Variants in MAF observed in about 807,000 individuals in gnomAD.
MAF encodes the protein transcription factor Maf.
In MAF, 10 loss-of-function variants were observed where a neutral mutation model predicts 22.0. The observed-to-expected ratio is 0.45, with a 90% CI of 0.28 to 0.77. The LOEUF (loss-of-function observed/expected upper bound fraction) is 0.77, where lower values mean the gene tolerates loss of function less well. Ranked by LOEUF, MAF falls within the 30% of genes least tolerant of loss-of-function variation. The probability of loss-of-function intolerance (pLI) is 0.12; values close to 1 mark genes in which losing one functional copy is unlikely to be tolerated. For synonymous variants in MAF, 337 were observed against 255.8 expected (o/e 1.32, Z -3.03); for missense variants, 544 against 548.4 (o/e 0.99, Z 0.08).
chr16:79,357,535 C>T, the MAF span, among the ~76,000 whole-genome samples: 1 of 152,144 alleles, frequency 6.6e-6, no homozygotes, highest in African/African-American at 2.4e-5. Flanking sequence ...ATATGGGAAC[C>T]CTGCTGGGTC....
the MAF span, among the ~76,000 whole-genome samples, chr16:79,410,260 C>A: frequency 6.6e-6 from 1 of 152,220 alleles, no homozygotes; most frequent in Admixed American, 6.5e-5. Context: ...GCTGGAATCT[C>A]TGTGAATCTG....
the MAF span, among the ~76,000 whole-genome samples, chr16:79,303,898 A>T: frequency 1.3e-5 from 2 of 152,224 alleles, no homozygotes; most frequent in Non-Finnish European, 2.9e-5. Context: ...ATGTCATGTC[A>T]AAATGCGGGG....
the MAF span, among the ~76,000 whole-genome samples, chr16:79,322,188 G>T: frequency 6.6e-6 from 1 of 152,066 alleles, no homozygotes; most frequent in Non-Finnish European, 1.5e-5. Flanking sequence ...AGCCAAGATC[G>T]CTCCACTGCA....
the MAF span, among the ~76,000 whole-genome samples, chr16:79,228,547 G>GT: frequency 6.6e-6 from 1 of 152,038 alleles, no homozygotes; most frequent in Non-Finnish European, 1.5e-5. Flanking sequence ...TTCACACATT[G>GT]ATCTTCCTGA....
the MAF span, among the ~76,000 whole-genome samples, chr16:79,488,729 C>T: frequency 6.6e-6 from 1 of 152,138 alleles, no homozygotes; most frequent in African/African-American, 2.4e-5. Flanking sequence ...CTGTGTCTTG[C>T]TATGTCAGAG....
chr16:79,314,000 A>G, the MAF span, among the ~76,000 whole-genome samples: 2 of 152,318 alleles, frequency 1.3e-5, no homozygotes, highest in Non-Finnish European at 2.9e-5. Flanking sequence ...GCGTTGGAAT[A>G]CAGCAGCTTT....
the MAF span, among the ~76,000 whole-genome samples, chr16:79,351,040 C>G: frequency 0.011 from 1,601 of 152,220 alleles, 36 homozygotes; most frequent in African/African-American, 0.037. Flanking sequence ...GGCCACTTCC[C>G]GGGGAAGCCT....
At chr16:79,228,527 G>C in the MAF span, among the ~76,000 whole-genome samples, 1 of 152,102 alleles carries the variant, frequency 6.6e-6, no homozygotes, top group East Asian at 1.9e-4. Flanking sequence ...CATTTCTGTG[G>C]CTGTGAGTCT....
the MAF span, among the ~76,000 whole-genome samples, chr16:79,392,558 G>A: frequency 6.6e-6 from 1 of 151,974 alleles, no homozygotes; most frequent in Non-Finnish European, 1.5e-5. Context: ...AACACGGGTG[G>A]AACCAGCTGT....
chr16:79,296,103 A>G, the MAF span, among the ~76,000 whole-genome samples: 1 of 152,236 alleles, frequency 6.6e-6, no homozygotes, highest in Non-Finnish European at 1.5e-5. Flanking sequence ...GCATCGTCTC[A>G]CTTGCTCTTT....
At chr16:79,246,827 T>TCCA in the MAF span, among the ~76,000 whole-genome samples, 3 of 116,882 alleles carry the variant, frequency 2.6e-5, no homozygotes, top group South Asian at 5.2e-4. Context: ...TGTCCATCTG[T>TCCA]CCATCCATCC....
chr16:79,519,855 G>T, the MAF span, among the ~76,000 whole-genome samples: 1 of 152,324 alleles, frequency 6.6e-6, no homozygotes, highest in African/African-American at 2.4e-5. Context: ...GTAGAGTCCT[G>T]GACCCTGTTG....
chr16:79,363,027 G>C, the MAF span, among the ~76,000 whole-genome samples: 1 of 152,136 alleles, frequency 6.6e-6, no homozygotes, highest in Non-Finnish European at 1.5e-5. Context: ...TTCAGCTTCA[G>C]AAACTGCCCT....
intron 1 of MAF, chr16:79,596,159 G>C: frequency 9.4e-7 from 1 of 1,063,042 alleles, no homozygotes. Context: ...CTGATCAGAA[G>C]TGTAGGGCCA....
the MAF span, among the ~76,000 whole-genome samples, chr16:79,444,261 A>T: frequency 1.3e-5 from 2 of 152,188 alleles, no homozygotes; most frequent in Admixed American, 6.5e-5. Context: ...AAATAAAAAT[A>T]TTGATTTTGC....
chr16:79,556,787 G>T, the MAF span, among the ~76,000 whole-genome samples: 1 of 152,102 alleles, frequency 6.6e-6, no homozygotes, highest in Non-Finnish European at 1.5e-5. Flanking sequence ...ATCTATCTAT[G>T]CCTCAATTTA....
At chr16:79,389,067 A>T in the MAF span, among the ~76,000 whole-genome samples, 1 of 152,162 alleles carries the variant, frequency 6.6e-6, no homozygotes, top group South Asian at 2.1e-4. Context: ...CCCATCGGAG[A>T]CAGCAGCATT....
the MAF span, among the ~76,000 whole-genome samples, chr16:79,236,008 T>C: frequency 6.6e-6 from 1 of 151,998 alleles, no homozygotes; most frequent in African/African-American, 2.4e-5. Context: ...TCCACAGTCA[T>C]ATCCTGTGGA....
the MAF span, among the ~76,000 whole-genome samples, chr16:79,291,310 G>A: frequency 1.3e-5 from 2 of 152,132 alleles, no homozygotes; most frequent in African/African-American, 2.4e-5. Context: ...AGGTGCTGGT[G>A]GGAGGGACGG....
Sources: allele counts gnomAD v4.1 joint callset (sites outside exome capture counted in the v4.1 genomes callset), GRCh38; gene constraint gnomAD v4.1.1; transcripts MANE v1.5; gene names NCBI Gene and HGNC (gene_info 2026-07-23, HGNC 2026-07-21).